DMD: variants seen among roughly 807,000 people sequenced by gnomAD.
DMD encodes dystrophin.
A neutral mutation model predicts 330.1 loss-of-function variants in DMD; 63 were observed. The ratio of observed to expected loss-of-function variants is 0.19; its 90% confidence interval spans 0.16 to 0.24. The LOEUF (loss-of-function observed/expected upper bound fraction) is 0.24, where lower values mean the gene tolerates loss of function less well. Ranked by LOEUF, DMD falls within the 10% of genes least tolerant of loss-of-function variation. The probability of loss-of-function intolerance (pLI) is 1.00; values close to 1 mark genes in which losing one functional copy is unlikely to be tolerated. For missense variants in DMD, 3,344 were observed against 2,684.1 expected (o/e 1.25, Z -5.43); for synonymous variants, 1,223 against 959.8 (o/e 1.27, Z -5.07).
intron 11 of DMD, among the ~76,000 whole-genome samples, chrX:32,619,761 G>A (rs749775173): frequency 6.3e-5 from 7 of 111,388 alleles, no homozygotes; most frequent in Non-Finnish European, 1.1e-4. Flanking sequence ...GTGAAGGGTC[G>A]GGGGAAAAAT....
chrX:32,422,469 C>T (rs1226115503), intron 29 of DMD, among the ~76,000 whole-genome samples: 1 of 110,924 alleles, frequency 9.0e-6, no homozygotes, highest in Non-Finnish European at 1.9e-5. Context: ...ATAACAACAA[C>T]GAAAAATAAC....
chrX:32,404,693 C>A (rs1035735260), intron 30 of DMD, among the ~76,000 whole-genome samples: 1 of 111,288 alleles, frequency 9.0e-6, no homozygotes, highest in African/African-American at 3.3e-5. Flanking sequence ...GGAAAAAAAT[C>A]ATGTATGTGA....
At chrX:32,504,335 T>C (rs1362381179) in intron 18 of DMD, among the ~76,000 whole-genome samples, 3 of 111,759 alleles carry the variant, frequency 2.7e-5, no homozygotes, top group African/African-American at 9.8e-5. Context: ...GTACAAATGA[T>C]AACATGGGCT....
chrX:31,266,850 C>T (rs2051188389), intron 62 of DMD: 2 of 1,204,427 alleles, frequency 1.7e-6, no homozygotes, highest in Admixed American at 2.2e-5. Flanking sequence ...GCTCCGCGGT[C>T]GAGTGTGGGT....
intron 1 of DMD, among the ~76,000 whole-genome samples, chrX:33,311,201 A>G (rs1322011049): frequency 2.7e-5 from 3 of 109,645 alleles, no homozygotes; most frequent in Non-Finnish European, 5.7e-5. Flanking sequence ...ACACATACAC[A>G]CACTTAACTA....
chrX:31,492,143 T>A (rs2147012030), intron 57 of DMD, among the ~76,000 whole-genome samples: 1 of 111,961 alleles, frequency 8.9e-6, no homozygotes, highest in Non-Finnish European at 1.9e-5. Flanking sequence ...AACAATTAAA[T>A]CAAGAAACCC....
chrX:31,362,394 G>A (rs1477072649), intron 60 of DMD, among the ~76,000 whole-genome samples: 1 of 112,143 alleles, frequency 8.9e-6, no homozygotes, highest in Non-Finnish European at 1.9e-5. Flanking sequence ...ACGCACAAAA[G>A]TATTTAAAAT....
rs1438064579 is a variant in DMD at position 31,772,216 on chromosome X, T to C, written c.7542+1744A>G. Among the ~76,000 whole-genome samples, 3 of 112,125 alleles carry C rather than the reference T, an allele frequency of 2.7e-5. No individual in the cohort carries two copies. The East Asian group carries it at 8.4e-4, about 32-fold the overall frequency. ...AAGGCAAAGTGGGAAGCATTTTTCA[T>C]GTACCAACCAACTTAATCCTGATGA... On this transcript the variant is annotated intron_variant, in intron 51 of 78. Transcript: ENST00000357033.
At chrX:32,413,027 G>C (rs1001210242) in intron 29 of DMD, among the ~76,000 whole-genome samples, 2 of 110,927 alleles carry the variant, frequency 1.8e-5, no homozygotes, top group South Asian at 3.9e-4. Flanking sequence ...TGCAGGAAGA[G>C]GGAAGGCTTT....
Position 32,253,769 on chromosome X carries a change from G to A in DMD, c.6290+33760C>T, listed in dbSNP as rs766658449. On this transcript the variant is annotated intron_variant, in intron 43 of 78. Coordinates refer to ENST00000357033, the MANE Select transcript of DMD (RefSeq NM_004006.3). ...CTCCCAAGTAGCTGGGACTATAGGC[G>A]TGCACCACCAAGCCCGGCTAATTTT... Among the ~76,000 whole-genome samples the A allele has an allele frequency of 3.6e-3, 377 of 103,849 alleles. 2 individuals carry two copies. Among genetic ancestry groups the A allele is most frequent in the African/African-American group, 0.011 (308 of 28,416 alleles). 90.2% of individuals were successfully genotyped at this position (103,849 alleles called of 115,157 possible).
At chrX:33,020,435 A>G (rs2093892144) in intron 1 of DMD, among the ~76,000 whole-genome samples, 1 of 112,117 alleles carries the variant, frequency 8.9e-6, no homozygotes, top group African/African-American at 3.2e-5. Flanking sequence ...ACAGTTTGGG[A>G]GGCCAGTGAG....
chrX:32,053,006 G>A (rs189346726), intron 44 of DMD, among the ~76,000 whole-genome samples: 1 of 111,669 alleles, frequency 9.0e-6, no homozygotes, highest in Admixed American at 9.5e-5. Context: ...TAAATTGTGA[G>A]TTTAGTTTCC....
At chrX:31,586,873 C>T (rs758939818) in intron 55 of DMD, among the ~76,000 whole-genome samples, 2 of 112,010 alleles carry the variant, frequency 1.8e-5, no homozygotes, top group African/African-American at 6.5e-5. Context: ...AGTAATGGTA[C>T]AATTTAGGAA....
In DMD at chrX:31,410,596, C is replaced by A. The variant is rs183537928; in HGVS notation, c.9084+33885G>T. Among the ~76,000 whole-genome samples, 6 of 110,711 alleles carry A rather than the reference C, an allele frequency of 5.4e-5. No individual in the cohort carries two copies. The Admixed American group carries it at 5.9e-4, about 11-fold the overall frequency. On this transcript the variant is annotated intron_variant, in intron 60 of 78. Coordinates refer to ENST00000357033, the MANE Select transcript of DMD (RefSeq NM_004006.3). ...GGCCTCCTGTCATCTTTGTTTTGCC[C>A]TCTCCCTTTCTCTTATAGTTGGAAT...
intron 44 of DMD, among the ~76,000 whole-genome samples, chrX:32,090,773 T>C (rs964910289): frequency 3.6e-5 from 4 of 110,941 alleles, no homozygotes; most frequent in African/African-American, 1.3e-4. Context: ...GTTTTTTTTT[T>C]CTGCTGGGAC....
At chrX:32,074,012 G>A (rs964714252) in intron 44 of DMD, among the ~76,000 whole-genome samples, 3 of 111,181 alleles carry the variant, frequency 2.7e-5, no homozygotes, top group Non-Finnish European at 5.7e-5. Flanking sequence ...TATGTAGTAG[G>A]TAAATACTTT....
At chrX:31,281,968 A>G (rs751284650) in intron 62 of DMD, among the ~76,000 whole-genome samples, 1 of 99,961 alleles carries the variant, frequency 1.0e-5, no homozygotes. Context: ...CAGTAGAGAA[A>G]TGGTTCTTTA....
At chrX:31,567,225 G>T (rs1269564463) in intron 55 of DMD, among the ~76,000 whole-genome samples, 1 of 111,058 alleles carries the variant, frequency 9.0e-6, no homozygotes, top group East Asian at 2.8e-4. Flanking sequence ...TTGCTTTATT[G>T]TAGTGTCTGG....
intron 44 of DMD, among the ~76,000 whole-genome samples, chrX:32,033,621 G>A: frequency 2.2e-5 from 1 of 45,291 alleles, no homozygotes; most frequent in African/African-American, 1.4e-4. Context: ...AAGAAAGAAA[G>A]AAAGAAAGAA....
Sources: gnomAD v4.1 joint callset for allele counts (sites outside exome capture counted in the v4.1 genomes callset) on GRCh38, gnomAD v4.1.1 for gene constraint, MANE v1.5 for transcripts, NCBI Gene and HGNC (gene_info 2026-07-23, HGNC 2026-07-21) for gene names.